The following DNAJB14 variants were observed in gnomAD, a reference collection of about 807,000 sequenced individuals.
The protein encoded by DNAJB14 is dnaJ homolog subfamily B member 14.
A neutral mutation model predicts 48.4 loss-of-function variants in DNAJB14; 22 were observed. The ratio of observed to expected loss-of-function variants is 0.45; its 90% CI spans 0.32 to 0.65. The LOEUF is 0.65. Among genes scored for constraint, DNAJB14 ranks in the 30% least tolerant of loss-of-function variants. DNAJB14 has a pLI of 0.03. For synonymous variants in DNAJB14, 142 were observed against 158.7 expected (o/e 0.89, Z 0.79); for missense variants, 319 against 458.8 (o/e 0.70, Z 2.78).
At chr4:99,919,355 T>C (rs1173116528) in intron 3 of DNAJB14, among the ~76,000 whole-genome samples, 3 of 151,830 alleles carry the variant, frequency 2.0e-5, no homozygotes, top group Non-Finnish European at 4.4e-5. Context: ...GAGGCTGAGG[T>C]AGGTGGATCA....
chr4:99,938,553 G>A (rs1726773598), intron 1 of DNAJB14, among the ~76,000 whole-genome samples: 1 of 151,948 alleles, frequency 6.6e-6, no homozygotes, highest in South Asian at 2.1e-4. Flanking sequence ...AAAACAGACT[G>A]TGGTGTGTGT....
At position 99,909,245 on chromosome 4, in the gene DNAJB14, C is replaced by T. The variant is rs185475803; in HGVS notation, c.452-349G>A. Among the ~76,000 whole-genome samples, 11 of 152,128 alleles carry T rather than the reference C, an allele frequency of 7.2e-5. 1 individual carries two copies. The South Asian group carries it at 1.2e-3, about 17-fold the overall frequency. On this transcript the variant is annotated intron_variant, in intron 3 of 7. Coordinates refer to ENST00000442697, the MANE Select transcript of DNAJB14 (RefSeq NM_001031723.4). ...CTATCATTTATTGAGTACCTAAGAACTGCCAGGCTCTGCACCCAATACCTT... is the reference window on the plus strand; with the variant it reads ...CTATCATTTATTGAGTACCTAAGAATTGCCAGGCTCTGCACCCAATACCTT...
At chr4:99,946,410 C>T in intron 1 of DNAJB14, 29 bp downstream of exon 1, 1 of 1,592,948 alleles carries the variant, frequency 6.3e-7, no homozygotes, top group Non-Finnish European at 8.5e-7. Flanking sequence ...GGGGATTGGG[C>T]AGGAAGAGAA....
intron 3 of DNAJB14, among the ~76,000 whole-genome samples, chr4:99,922,080 C>T (rs565399879): frequency 5.3e-5 from 8 of 152,186 alleles, no homozygotes; most frequent in African/African-American, 1.4e-4. Context: ...AGACAGCTCT[C>T]GCTGTCACAG....
At chr4:99,946,175 A>G (rs1201882737) in intron 1 of DNAJB14, among the ~76,000 whole-genome samples, 1 of 152,228 alleles carries the variant, frequency 6.6e-6, no homozygotes, top group Admixed American at 6.5e-5. Context: ...TGAAACCCGG[A>G]CATTTAGGAC....
intron 3 of DNAJB14, among the ~76,000 whole-genome samples, chr4:99,913,797 G>A (rs1296941808): frequency 6.6e-6 from 1 of 152,050 alleles, no homozygotes; most frequent in Non-Finnish European, 1.5e-5. Flanking sequence ...AAGAGCATCT[G>A]AGCCTGGATA....
At chr4:99,914,320 A>C (rs144110639) in intron 3 of DNAJB14, among the ~76,000 whole-genome samples, 6,179 of 152,292 alleles carry the variant, frequency 0.041, 148 homozygotes, top group Non-Finnish European at 0.06. Flanking sequence ...CAGCCATAAA[A>C]ATGATGAGTT....
chr4:99,932,275 A>G (rs1446916045), intron 1 of DNAJB14, among the ~76,000 whole-genome samples: 1 of 152,180 alleles, frequency 6.6e-6, no homozygotes, highest in Non-Finnish European at 1.5e-5. Flanking sequence ...AAAAAAAAGT[A>G]TCCAGAATAT....
At position 99,897,465 on chromosome 4, in the gene DNAJB14, G is replaced by A. The variant is rs1725172723; in HGVS notation, c.*3563C>T. 6.6e-6 allele frequency: 1 copy of A among 151,836 alleles called. No individual in the cohort carries two copies. Among genetic ancestry groups the A allele is most frequent in the Admixed American group, 6.6e-5 (1 of 15,244 alleles). The allele number at this position is 151,836 out of a possible 1,614,324, so 9.4% of individuals were successfully genotyped here. On this transcript the variant is annotated 3_prime_UTR_variant, in exon 8 of 8. Coordinates refer to ENST00000442697, the MANE Select transcript of DNAJB14 (RefSeq NM_001031723.4). ...TAGTAATAAAACCAAAAAGGAAGCT[G>A]AATTCTAGGACTGTTTTACCTGCCA...
intron 2 of DNAJB14, chr4:99,924,888 T>A: frequency 9.2e-7 from 1 of 1,084,720 alleles, no homozygotes; most frequent in Non-Finnish European, 1.4e-6. Flanking sequence ...ATTTTGCCTC[T>A]AGGCAAAAAT....
intron 3 of DNAJB14, among the ~76,000 whole-genome samples, chr4:99,911,172 AT>A (rs1347920689): frequency 6.6e-6 from 1 of 152,100 alleles, no homozygotes; most frequent in Non-Finnish European, 1.5e-5. Context: ...ACCTTTTGGG[AT>A]TGGCTTTGTA....
intron 3 of DNAJB14, among the ~76,000 whole-genome samples, chr4:99,917,922 A>C (rs895740862): frequency 6.6e-6 from 1 of 151,832 alleles, no homozygotes; most frequent in Non-Finnish European, 1.5e-5. Context: ...TTTAGTTTTC[A>C]AAAGTTTGAC....
rs766977225 is a variant in DNAJB14, at chr4:99,946,446, C to A, written c.126G>T (p.Ser42=). The change falls in exon 1 of 8, where the codon TCG becomes TCT. Residue 42 remains serine (S), a synonymous_variant. Transcript: ENST00000442697. ...QKAEKLYPLP[S]ARALLEIIMK... ...GGGACGCTGAGGTCTCACCGCGGGC[C>A]GAGGGCAGTGGGTAGAGCTTCTCGG... 6.2e-7 allele frequency: 1 copy of A among 1,612,174 alleles called. No individual in the cohort carries two copies. Among genetic ancestry groups the A allele is most frequent in the Admixed American group, 1.7e-5 (1 of 59,780 alleles).
At chr4:99,943,722 C>T (rs1480678749) in intron 1 of DNAJB14, among the ~76,000 whole-genome samples, 1 of 152,166 alleles carries the variant, frequency 6.6e-6, no homozygotes, top group Non-Finnish European at 1.5e-5. Context: ...TCTGTCTAGA[C>T]TGCCTACTCA....
rs745775826 is a variant in DNAJB14 at position 99,908,796 on chromosome 4, G to A, written c.552C>T (p.Gly184=). The A allele has an allele frequency of 5.0e-6, 8 of 1,612,232 alleles. No homozygotes were observed. Among genetic ancestry groups the A allele is most frequent in the Non-Finnish European group, 6.8e-6 (8 of 1,178,966 alleles). Reference sequence around the variant, plus strand: ...CACAACCTCTATGGAAATTAAATCTGCCATTGTTTTGGTGGTTACATGCTT... The same window carrying A: ...CACAACCTCTATGGAAATTAAATCTACCATTGTTTTGGTGGTTACATGCTT... ...EEQACNHQNN[G]RFNFHRGCEA... The change falls in exon 4 of 8, where the codon GGC becomes GGT. Residue 184 remains glycine, a synonymous_variant. Transcript: ENST00000442697.
chr4:99,918,969 C>T (rs139269257), intron 3 of DNAJB14, among the ~76,000 whole-genome samples: 1 of 152,240 alleles, frequency 6.6e-6, no homozygotes, highest in East Asian at 1.9e-4. Flanking sequence ...TCTAGTTAAC[C>T]TTCTCTGTTA....
chr4:99,941,475 T>C (rs1165746149), intron 1 of DNAJB14, among the ~76,000 whole-genome samples: 1 of 152,132 alleles, frequency 6.6e-6, no homozygotes, highest in Non-Finnish European at 1.5e-5. Context: ...GCACTTAAGA[T>C]AATAAAATAT....
chr4:99,914,725 C>T lies in DNAJB14; in HGVS notation c.452-5829G>A, dbSNP rs543610804. ...CCAAACCACAGCAATTTCTACAGGG[C>T]TATTCACGTTATCTATGTCAGACTG... On this transcript the variant is annotated intron_variant, in intron 3 of 7. Coordinates refer to ENST00000442697, the MANE Select transcript of DNAJB14 (RefSeq NM_001031723.4). Among the ~76,000 whole-genome samples the T allele has an allele frequency of 9.3e-4, 142 of 152,134 alleles. 1 individual carries two copies. In the South Asian group the frequency reaches 0.028, roughly 30 times the overall value.
At chr4:99,902,683 T>C (rs1440975780) in intron 7 of DNAJB14, among the ~76,000 whole-genome samples, 1 of 152,172 alleles carries the variant, frequency 6.6e-6, no homozygotes, top group Non-Finnish European at 1.5e-5. Flanking sequence ...TTGCCTGATT[T>C]AATTTTCACA....
Sources: gnomAD v4.1 joint callset for allele counts (sites outside exome capture counted in the v4.1 genomes callset) on GRCh38, gnomAD v4.1.1 for gene constraint, MANE v1.5 for transcripts, NCBI Gene and HGNC (gene_info 2026-07-23, HGNC 2026-07-21) for gene names.